BBS9: variants seen among roughly 807,000 people sequenced by gnomAD.
BBS9 encodes the protein Bardet-Biedl syndrome 9.
Under a neutral mutation model 117.7 loss-of-function variants are expected in BBS9, and 89 were observed. That is an observed-to-expected ratio of 0.76 (90% CI 0.64 to 0.90). BBS9 has a LOEUF of 0.90. Among genes scored for constraint, BBS9 ranks in the 40% least tolerant of loss-of-function variants. The probability of loss-of-function intolerance (pLI) is 0.00; values close to 1 mark genes in which losing one functional copy is unlikely to be tolerated. For synonymous variants in BBS9, 379 were observed against 370.9 expected (o/e 1.02, Z -0.25); for missense variants, 982 against 1,042.2 (o/e 0.94, Z 0.80).
intron 21 of BBS9, among the ~76,000 whole-genome samples, chr7:33,571,413 A>G (rs1857766902): frequency 6.6e-6 from 1 of 152,110 alleles, no homozygotes; most frequent in Non-Finnish European, 1.5e-5. Flanking sequence ...GACAACTGGA[A>G]AACATAAAAT....
At chr7:33,224,978 G>A (rs930706413) in intron 5 of BBS9, among the ~76,000 whole-genome samples, 6 of 152,092 alleles carry the variant, frequency 3.9e-5, no homozygotes, top group Admixed American at 3.9e-4. Flanking sequence ...ACATTTAAAG[G>A]AAGAAATCTC....
intron 7 of BBS9, among the ~76,000 whole-genome samples, chr7:33,268,319 G>T (rs1391409405): frequency 2.0e-5 from 3 of 152,158 alleles, no homozygotes; most frequent in African/African-American, 7.2e-5. Context: ...TTTATATGTA[G>T]CTATTTGGTG....
intron 21 of BBS9, among the ~76,000 whole-genome samples, chr7:33,572,857 T>C (rs985111923): frequency 2.0e-5 from 3 of 152,056 alleles, no homozygotes; most frequent in Non-Finnish European, 4.4e-5. Flanking sequence ...TATTTACCTA[T>C]CCATTTTTAA....
chr7:33,360,607 A>G (rs1263385520), intron 16 of BBS9, among the ~76,000 whole-genome samples: 1 of 148,470 alleles, frequency 6.7e-6, no homozygotes. Flanking sequence ...TGCAGCCTCT[A>G]CTTCCTGGGC....
intron 19 of BBS9, among the ~76,000 whole-genome samples, chr7:33,430,609 T>G (rs533774312): frequency 1.2e-4 from 19 of 152,312 alleles, no homozygotes; most frequent in Non-Finnish European, 1.5e-5. Flanking sequence ...AAAGTCCAAA[T>G]TCTAGAATTT....
intron 21 of BBS9, among the ~76,000 whole-genome samples, chr7:33,569,821 C>T (rs957443249): frequency 1.3e-5 from 2 of 152,106 alleles, no homozygotes; most frequent in Admixed American, 1.3e-4. Context: ...TGTGCATGCA[C>T]ATGCATACAT....
chr7:33,215,373 A>G (rs2128230528), intron 5 of BBS9, among the ~76,000 whole-genome samples: 2 of 152,374 alleles, frequency 1.3e-5, no homozygotes, highest in African/African-American at 4.8e-5. Context: ...TTTGACAAAG[A>G]TGCCAAGAAT....
intron 1 of BBS9, among the ~76,000 whole-genome samples, chr7:33,135,101 C>G (rs75529128): frequency 0.013 from 1,997 of 152,300 alleles, 46 homozygotes; most frequent in African/African-American, 0.045. Context: ...TCATGTTGCA[C>G]AGGCTGGGCT....
At chr7:33,417,351 C>A (rs372271796) in intron 19 of BBS9, among the ~76,000 whole-genome samples, 6 of 152,254 alleles carry the variant, frequency 3.9e-5, no homozygotes, top group African/African-American at 4.8e-5. Flanking sequence ...AATAGACATA[C>A]TTTTGGAATG....
At chr7:33,632,069 C>T (rs751561948) in intron 21 of BBS9, among the ~76,000 whole-genome samples, 12 of 152,104 alleles carry the variant, frequency 7.9e-5, no homozygotes, top group Non-Finnish European at 1.3e-4. Flanking sequence ...AAATTGTTTG[C>T]GGGCCAGACT....
intron 5 of BBS9, among the ~76,000 whole-genome samples, chr7:33,232,637 G>C (rs1024533877): frequency 6.6e-6 from 1 of 152,016 alleles, no homozygotes; most frequent in African/African-American, 2.4e-5. Flanking sequence ...GAGATAAAAA[G>C]GGTTGTTTAT....
chr7:33,615,343 A>G (rs781103598), intron 21 of BBS9, among the ~76,000 whole-genome samples: 6 of 152,112 alleles, frequency 3.9e-5, no homozygotes, highest in Non-Finnish European at 7.4e-5. Context: ...AGGGTTCTGC[A>G]CTGGATCAAA....
intron 9 of BBS9, among the ~76,000 whole-genome samples, chr7:33,297,128 A>G (rs1181050208): frequency 1.3e-5 from 2 of 152,174 alleles, no homozygotes; most frequent in African/African-American, 4.8e-5. Context: ...GTAAAAGAAC[A>G]TGTAGAAATG....
chr7:33,223,734 T>G (rs1790720540), intron 5 of BBS9, among the ~76,000 whole-genome samples: 1 of 152,222 alleles, frequency 6.6e-6, no homozygotes, highest in Non-Finnish European at 1.5e-5. Flanking sequence ...GAAGACTTCC[T>G]TTATTTCTTC....
chr7:33,243,994 C>T (rs953679044), intron 5 of BBS9, among the ~76,000 whole-genome samples: 4 of 152,176 alleles, frequency 2.6e-5, no homozygotes, highest in South Asian at 2.1e-4. Flanking sequence ...GAAGCTGAGG[C>T]GGGCAGATCA....
chr7:33,597,872 C>T (rs1434763885), intron 21 of BBS9, among the ~76,000 whole-genome samples: 1 of 119,396 alleles, frequency 8.4e-6, no homozygotes. Flanking sequence ...GCATGTATAC[C>T]AAAAAAAAAA....
At chr7:33,626,174 C>T (rs545620934) in intron 21 of BBS9, among the ~76,000 whole-genome samples, 7 of 152,126 alleles carry the variant, frequency 4.6e-5, no homozygotes, top group Non-Finnish European at 5.9e-5. Flanking sequence ...AGCACTTCTC[C>T]CTTCTCTCTC....
chr7:33,604,797 T>C, intron 21 of BBS9, 68 bp from the exon 22 acceptor site: 1 of 1,035,240 alleles, frequency 9.7e-7, no homozygotes, highest in Admixed American at 1.9e-5. Flanking sequence ...TCCTAAGCTA[T>C]GATTGCTGTG....
chr7:33,405,480 CTT>C lies in BBS9; in HGVS notation c.2115+17340_2115+17341del, dbSNP rs765756569. 1.3e-3 allele frequency among the ~76,000 whole-genome samples: 197 copies of C among 152,082 alleles called. 2 individuals carry two copies. Among genetic ancestry groups the C allele is most frequent in the Non-Finnish European group, 2.1e-3 (140 of 67,964 alleles). On this transcript the variant is annotated intron_variant, in intron 19 of 22. Coordinates refer to ENST00000242067, the MANE Select transcript of BBS9 (RefSeq NM_198428.3). ...CTGTGAATCCATCTGGTCGTGGACTCTTTTTGGTTGGTAAGCTATTGATTATT... is the reference window on the plus strand; with the variant it reads ...CTGTGAATCCATCTGGTCGTGGACTCTTTGGTTGGTAAGCTATTGATTATT...
Sources: gnomAD v4.1 joint callset for allele counts (sites outside exome capture counted in the v4.1 genomes callset) on GRCh38, gnomAD v4.1.1 for gene constraint, MANE v1.5 for transcripts, NCBI Gene and HGNC (gene_info 2026-07-23, HGNC 2026-07-21) for gene names.